STAR: variants seen among roughly 807,000 people sequenced by gnomAD.
STAR encodes steroidogenic acute regulatory protein.
In STAR, 32 loss-of-function variants were observed where a neutral mutation model predicts 32.3. The observed-to-expected ratio is 0.99, with a 90% CI of 0.75 to 1.33. STAR has a LOEUF of 1.33. Among genes scored for constraint, STAR ranks in the 40% most tolerant of loss-of-function variants. The pLI is 0.00. For missense variants in STAR, 375 were observed against 379.0 expected, an observed-to-expected ratio of 0.99 and a Z score of 0.09; for synonymous variants, 134 against 140.5, an observed-to-expected ratio of 0.95 and a Z score of 0.33.
At position 38,146,068 on chromosome 8, in the gene STAR, C is replaced by T. The variant is rs104894086; in HGVS notation, c.545G>A (p.Arg182His). Residue 182 changes from arginine to histidine, a missense_variant, in exon 5 of 7, where the codon CGT (arginine) becomes CAT (histidine). Coordinates refer to ENST00000276449, the MANE Select transcript of STAR (RefSeq NM_000349.3). ...GGCACAGCGCACGCTCACAAAGTCACGGGGCCCCACCAGGTTTCCTGCTGC... is the reference window on the plus strand; with the variant it reads ...GGCACAGCGCACGCTCACAAAGTCATGGGGCCCCACCAGGTTTCCTGCTGC... ...AEAAGNLVGP[R>H]DFVSVRCAKR... 9 of 1,614,242 alleles carry T rather than the reference C, an allele frequency of 5.6e-6. No individual in the cohort carries two copies. Among genetic ancestry groups the T allele is most frequent in the East Asian group, 2.2e-5 (1 of 44,884 alleles).
chr8:38,146,342 C>T lies in STAR; in HGVS notation c.412G>A (p.Val138Met), dbSNP rs1462095958. 39 of 1,614,022 alleles carry T rather than the reference C, an allele frequency of 2.4e-5. No individual in the cohort carries two copies. The highest frequency in any genetic ancestry group is 1.6e-4 in the Middle Eastern group (1 of 6,084). The change falls in exon 4 of 7, where the codon GTG (valine) becomes ATG (methionine). Residue 138 changes from valine to methionine, a missense_variant. Transcript: ENST00000276449. ...QPMERLYEEL[V>M]ERMEAMGEWN... The stretch of plus-strand genomic sequence containing the variant: ...TCCCCCATTGCTTCCATGCGCTCCA[C>T]GAGCTCTTCATAGAGCCTCTCCATG...
Position 38,144,340 on chromosome 8 carries a change from T to C in STAR, c.791A>G (p.Gln264Arg). Residue 264 changes from glutamine (Q) to arginine (R), a missense_variant, in exon 7 of 7, where the codon CAG becomes CGG. Transcript: ENST00000276449. The part of the protein sequence containing the change: ...SIINQVLSQT[Q>R]VDFANHLRKR... ...GCGCAGGTGGTTGGCAAAATCCACC[T>C]GGGTCTGGGACAGGACCTGGTTGAT... The C allele has an allele frequency of 6.2e-7, 1 of 1,609,480 alleles. No homozygotes were observed.
In STAR at chr8:38,148,317, C is replaced by T. The variant is rs2229620; in HGVS notation, c.189G>A (p.Leu63=). 1,206 of 1,614,090 alleles carry T rather than the reference C, an allele frequency of 7.5e-4. 12 individuals are homozygous for T. In the African/African-American group the frequency reaches 0.015, roughly 20 times the overall value. ...CCTGGTCACTGTAGAGAGTCTCTTC[C>T]AGCCGAGAACCTGGATACACAGCCG... ...RRRSSLLGSR[L]EETLYSDQEL... Residue 63 remains leucine, a synonymous_variant, in exon 3 of 7, where the codon CTG becomes CTA. Transcript: ENST00000276449.
rs1170182954 is a variant in STAR, at chr8:38,143,365, G to A, written c.*908C>T. Among the ~76,000 whole-genome samples the A allele has an allele frequency of 1.3e-5, 2 of 150,082 alleles. No homozygotes were observed. Among genetic ancestry groups the A allele is most frequent in the Admixed American group, 6.7e-5 (1 of 14,868 alleles). On this transcript the variant is annotated 3_prime_UTR_variant, in exon 7 of 7. Transcript: ENST00000276449. ...TCTGTCGCCCACGCTGGAGCGCAGT[G>A]GCACAATCTCGGCCCACTACAACCT...
intron 3 of STAR, 139 bp from the exon 4 acceptor site, chr8:38,146,586 G>T: frequency 1.1e-6 from 1 of 898,662 alleles, no homozygotes; most frequent in Non-Finnish European, 1.7e-6. Flanking sequence ...GACCAGCCTG[G>T]CCAAGATGGT....
At chr8:38,149,324 G>A (rs779052874) in intron 1 of STAR, among the ~76,000 whole-genome samples, 1 of 152,164 alleles carries the variant, frequency 6.6e-6, no homozygotes, top group African/African-American at 2.4e-5. Flanking sequence ...ATGGCTTCTC[G>A]CTCTAAAGGT....
At chr8:38,148,440 A>G (rs757691223) in intron 2 of STAR, 113 bp from the exon 3 acceptor site, 89 of 1,542,424 alleles carry the variant, frequency 5.8e-5, no homozygotes, top group Admixed American at 3.2e-4. Context: ...GACTAAAGCC[A>G]TAGGGGCCAG....
chr8:38,150,906 C>T lies in STAR; in HGVS notation c.-88G>A, dbSNP rs1802659161. On this transcript the variant is annotated 5_prime_UTR_variant, in exon 1 of 7. Coordinates refer to ENST00000276449, the MANE Select transcript of STAR (RefSeq NM_000349.3). Reference sequence around the variant, plus strand: ...GCCTCTTCTCTCAAGGGTGGTTCTTCGTCCTTCCTGAGCCCCTCAAGCTTC... The same window carrying T: ...GCCTCTTCTCTCAAGGGTGGTTCTTTGTCCTTCCTGAGCCCCTCAAGCTTC... 1.3e-6 allele frequency: 2 copies of T among 1,598,838 alleles called. No homozygotes were observed. Among genetic ancestry groups the T allele is most frequent in the South Asian group, 2.2e-5 (2 of 90,934 alleles).
At chr8:38,149,081 A>T (rs945607990) in intron 1 of STAR, 2 of 371,620 alleles carry the variant, frequency 5.4e-6, no homozygotes, top group African/African-American at 4.2e-5. Flanking sequence ...CCTACTTCAT[A>T]AGGAGAATAC....
At chr8:38,148,129 T>C (rs1802605396) in intron 3 of STAR, 71 bp downstream of exon 3, 14 of 1,606,090 alleles carry the variant, frequency 8.7e-6, no homozygotes, top group Middle Eastern at 1.7e-4. Flanking sequence ...CTGGGAAAAA[T>C]AGTAACCCCA....
intron 3 of STAR, among the ~76,000 whole-genome samples, chr8:38,146,984 AT>A (rs1270449019): frequency 2.0e-5 from 3 of 147,538 alleles, no homozygotes; most frequent in Admixed American, 2.0e-4. Flanking sequence ...CCTTTTTAAG[AT>A]TTTTTTCTTG....
rs104894087 is a variant in STAR, at chr8:38,144,382, C to T, written c.749G>A (p.Trp250Ter). 6.3e-7 allele frequency: 1 copy of T among 1,594,652 alleles called. No individual in the cohort carries two copies. Among genetic ancestry groups the T allele is most frequent in the Non-Finnish European group, 8.5e-7 (1 of 1,170,564 alleles). The change falls in exon 7 of 7, where the codon TGG (tryptophan) becomes TAG (stop). Residue 250 changes from tryptophan to a stop codon, truncating the protein, a stop_gained. Transcript: ENST00000276449. LOFTEE classifies it high-confidence loss of function. ...TWLLSIDLKG[W>*]LPKSIINQVL... ...CTGGTTGATGATGCTCTTGGGCAGCCACCCCTGCAGTAGGAGGTAGGAGAA... is the reference window on the plus strand; with the variant it reads ...CTGGTTGATGATGCTCTTGGGCAGCTACCCCTGCAGTAGGAGGTAGGAGAA...
chr8:38,146,605 G>A (rs953966207), intron 3 of STAR, among the ~76,000 whole-genome samples, 158 bp from the exon 4 acceptor site: 2 of 151,752 alleles, frequency 1.3e-5, no homozygotes, highest in South Asian at 2.1e-4. Flanking sequence ...GTGAAACCCC[G>A]TCTCTACTAA....
chr8:38,148,233 G>A lies in STAR; in HGVS notation c.273C>T (p.Ser91=). The A allele has an allele frequency of 6.2e-7, 1 of 1,614,066 alleles. No homozygotes were observed. Among genetic ancestry groups the A allele is most frequent in the Non-Finnish European group, 8.5e-7 (1 of 1,179,992 alleles). ...EAMQKALGIL[S]NQEGWKKESQ... is the part of the protein sequence containing the mutation. Reference sequence around the variant, plus strand: ...TCTCCTTCTTCCAGCCCTCTTGGTTGCTAAGGATGCCCAAGGCCTTCTGCA... The same window carrying A: ...TCTCCTTCTTCCAGCCCTCTTGGTTACTAAGGATGCCCAAGGCCTTCTGCA... The change falls in exon 3 of 7, where the codon AGC becomes AGT. Residue 91 remains serine (S), a synonymous_variant. Coordinates refer to ENST00000276449, the MANE Select transcript of STAR (RefSeq NM_000349.3).
Position 38,146,604 on chromosome 8 carries a change from C to T in STAR, c.307-157G>A, listed in dbSNP as rs141151167. ...CAGCCTGGCCAAGATGGTGAAACCC[C>T]GTCTCTACTAAAACTACAAAATTAG... is the stretch of plus-strand genomic sequence containing the variant. On this transcript the variant is annotated intron_variant, in intron 3 of 6. Coordinates refer to ENST00000276449, the MANE Select transcript of STAR (RefSeq NM_000349.3). Among the ~76,000 whole-genome samples, 2,054 of 152,052 alleles carry T rather than the reference C, an allele frequency of 0.014. 46 individuals are homozygous for T. Among genetic ancestry groups the T allele is most frequent in the African/African-American group, 0.047 (1,964 of 41,466 alleles).
chr8:38,145,391 A>G (rs1802552186), intron 5 of STAR, 76 bp from the exon 6 acceptor site: 1 of 1,594,720 alleles, frequency 6.3e-7, no homozygotes, highest in Non-Finnish European at 8.6e-7. Flanking sequence ...CCAGTACCAT[A>G]GATAACACGT....
intron 1 of STAR, among the ~76,000 whole-genome samples, chr8:38,149,947 C>A (rs1802638913): frequency 6.6e-6 from 1 of 152,078 alleles, no homozygotes; most frequent in Non-Finnish European, 1.5e-5. Flanking sequence ...GTGGCGAAAC[C>A]CTGTCTCTAC....
rs1029854839 is a variant in STAR at position 38,144,120 on chromosome 8, A to G, written c.*153T>C. 32 of 796,046 alleles carry G rather than the reference A, an allele frequency of 4.0e-5. No homozygotes were observed. The highest frequency in any genetic ancestry group is 4.7e-4 in the Middle Eastern group (2 of 4,276). 49.3% of individuals were successfully genotyped at this position (796,046 alleles called of 1,614,324 possible). A position where few individuals can be genotyped will look rare whatever the true frequency, so the allele number is the denominator to read the frequency against. On this transcript the variant is annotated 3_prime_UTR_variant, in exon 7 of 7. Coordinates refer to ENST00000276449, the MANE Select transcript of STAR (RefSeq NM_000349.3). ...TTCTTGGTACTAAAAACTTTCACCA[A>G]TCTGAATCCTAGTGTCATACTCTAA...
chr8:38,144,343 G>C lies in STAR; in HGVS notation c.788C>G (p.Thr263Ser). ...KSIINQVLSQTQVDFANHLRK... is the reference protein window; with the variant it reads ...KSIINQVLSQSQVDFANHLRK... Reference sequence around the variant, plus strand: ...CAGGTGGTTGGCAAAATCCACCTGGGTCTGGGACAGGACCTGGTTGATGAT... The same window carrying C: ...CAGGTGGTTGGCAAAATCCACCTGGCTCTGGGACAGGACCTGGTTGATGAT... The change falls in exon 7 of 7, where the codon ACC (threonine) becomes AGC (serine). Residue 263 changes from threonine to serine, a missense_variant. By Grantham distance (58) the Thr-to-Ser change is moderately conservative. Transcript: ENST00000276449. The C allele has an allele frequency of 6.2e-7, 1 of 1,609,010 alleles. No homozygotes were observed. Among genetic ancestry groups the C allele is most frequent in the Non-Finnish European group, 8.5e-7 (1 of 1,177,818 alleles).
Sources: allele counts gnomAD v4.1 joint callset (sites outside exome capture counted in the v4.1 genomes callset), GRCh38; gene constraint gnomAD v4.1.1; transcripts MANE v1.5; gene names NCBI Gene and HGNC (gene_info 2026-07-23, HGNC 2026-07-21).